The following PCSK2 variants were observed in gnomAD, a reference collection of about 807,000 sequenced individuals.
PCSK2 encodes neuroendocrine convertase 2.
In PCSK2, 14 loss-of-function variants were observed where a neutral mutation model predicts 69.7. The observed-to-expected ratio is 0.20, with a 90% CI of 0.13 to 0.31. The LOEUF is 0.31. Ranked by LOEUF, PCSK2 falls within the 10% of genes least tolerant of loss-of-function variation. PCSK2 has a pLI of 1.00. For missense variants in PCSK2, 544 were observed against 842.5 expected (o/e 0.65, Z 4.39); for synonymous variants, 307 against 320.7 (o/e 0.96, Z 0.46).
At chr20:17,288,627 T>A (rs912034040) in intron 2 of PCSK2, among the ~76,000 whole-genome samples, 6 of 151,642 alleles carry the variant, frequency 4.0e-5, no homozygotes, top group Admixed American at 3.3e-4. Context: ...CTAGGGTGAG[T>A]CTTAATCCAA....
intron 2 of PCSK2, among the ~76,000 whole-genome samples, chr20:17,324,154 G>T (rs1989965802): frequency 6.6e-6 from 1 of 152,132 alleles, no homozygotes; most frequent in Non-Finnish European, 1.5e-5. Flanking sequence ...CCTTGTATTG[G>T]CTGCCTTTTC....
At chr20:17,303,831 C>T (rs1334963855) in intron 2 of PCSK2, among the ~76,000 whole-genome samples, 2 of 148,874 alleles carry the variant, frequency 1.3e-5, no homozygotes, top group African/African-American at 4.9e-5. Context: ...CCCCCCACCC[C>T]GCCCTCCCAA....
chr20:17,356,579 ACCTGGG>A (rs2030205030), intron 2 of PCSK2, among the ~76,000 whole-genome samples: 1 of 152,048 alleles, frequency 6.6e-6, no homozygotes, highest in Admixed American at 6.6e-5. Context: ...GTCATTCTCG[ACCTGGG>A]CCCTGCTGTC....
chr20:17,399,687 T>C (rs928870881), intron 5 of PCSK2, among the ~76,000 whole-genome samples: 20 of 152,164 alleles, frequency 1.3e-4, no homozygotes, highest in Non-Finnish European at 1.3e-4. Context: ...TGCGATGCCA[T>C]GTTATTTAAC....
chr20:17,254,167 C>T (rs1217644411), intron 1 of PCSK2, among the ~76,000 whole-genome samples: 3 of 152,050 alleles, frequency 2.0e-5, no homozygotes, highest in Non-Finnish European at 4.4e-5. Flanking sequence ...GTTGTCTTTT[C>T]GTTTCCTTCG....
At chr20:17,265,219 C>A (rs1987549624) in intron 2 of PCSK2, among the ~76,000 whole-genome samples, 1 of 152,170 alleles carries the variant, frequency 6.6e-6, no homozygotes, top group African/African-American at 2.4e-5. Context: ...CAGTGGATAA[C>A]TAATGGAATT....
At chr20:17,241,017 G>A (rs553616876) in intron 1 of PCSK2, among the ~76,000 whole-genome samples, 1 of 152,310 alleles carries the variant, frequency 6.6e-6, no homozygotes, top group South Asian at 2.1e-4. Context: ...AGGGTTAAAC[G>A]AATGTCTTTC....
chr20:17,262,904 A>C (rs1345214203), intron 2 of PCSK2, among the ~76,000 whole-genome samples: 1 of 152,210 alleles, frequency 6.6e-6, no homozygotes, highest in African/African-American at 2.4e-5. Context: ...ACTGTCTCCT[A>C]GAACTGCTAA....
chr20:17,470,799 A>C (rs1227774453), intron 11 of PCSK2, among the ~76,000 whole-genome samples: 1 of 152,196 alleles, frequency 6.6e-6, no homozygotes, highest in Non-Finnish European at 1.5e-5. Context: ...CCCTTATTGC[A>C]AAAGGAGAAA....
chr20:17,231,897 ACT>A (rs1243612957), intron 1 of PCSK2, among the ~76,000 whole-genome samples: 1 of 151,820 alleles, frequency 6.6e-6, no homozygotes, highest in African/African-American at 2.4e-5. Context: ...GGCCAGGACC[ACT>A]CTCATCCCCT....
intron 1 of PCSK2, among the ~76,000 whole-genome samples, chr20:17,248,473 T>C (rs1403907136): frequency 6.6e-6 from 1 of 152,146 alleles, no homozygotes; most frequent in Non-Finnish European, 1.5e-5. Context: ...GTGGAGCTTA[T>C]GATTGCACAA....
chr20:17,339,417 A>T (rs993394598), intron 2 of PCSK2, among the ~76,000 whole-genome samples: 16 of 152,146 alleles, frequency 1.1e-4, no homozygotes, highest in Admixed American at 8.5e-4. Context: ...ATCCGTCGAC[A>T]TTTCCTCATT....
intron 8 of PCSK2, among the ~76,000 whole-genome samples, chr20:17,446,390 A>G (rs2123368273): frequency 6.6e-6 from 1 of 152,308 alleles, no homozygotes; most frequent in South Asian, 2.1e-4. Flanking sequence ...GACTCTGCAG[A>G]GTCTGGAACT....
intron 1 of PCSK2, among the ~76,000 whole-genome samples, chr20:17,231,088 G>A (rs187735662): frequency 2.0e-5 from 3 of 152,154 alleles, no homozygotes; most frequent in African/African-American, 7.2e-5. Flanking sequence ...ACCTGTTGAA[G>A]ATTAACCAAA....
chr20:17,334,737 C>G (rs543909010), intron 2 of PCSK2, among the ~76,000 whole-genome samples: 1 of 152,192 alleles, frequency 6.6e-6, no homozygotes, highest in African/African-American at 2.4e-5. Context: ...CAGTACTTCT[C>G]ACCCACACAT....
intron 6 of PCSK2, among the ~76,000 whole-genome samples, chr20:17,412,330 C>T (rs1252724470): frequency 6.6e-6 from 1 of 152,154 alleles, no homozygotes; most frequent in Non-Finnish European, 1.5e-5. Context: ...GTAGAGAAGA[C>T]TTTAAATGAC....
chr20:17,284,604 G>A (rs1246385127), intron 2 of PCSK2, among the ~76,000 whole-genome samples: 1 of 152,204 alleles, frequency 6.6e-6, no homozygotes, highest in Admixed American at 6.5e-5. Flanking sequence ...GTTCCAATGA[G>A]CCTAGCAGAA....
chr20:17,301,453 G>T (rs1989080004), intron 2 of PCSK2, among the ~76,000 whole-genome samples: 2 of 152,170 alleles, frequency 1.3e-5, no homozygotes. Flanking sequence ...TTAAATGTGT[G>T]TGAGTAAACA....
intron 2 of PCSK2, among the ~76,000 whole-genome samples, chr20:17,261,755 AG>A (rs1987396612): frequency 6.6e-6 from 1 of 152,024 alleles, no homozygotes; most frequent in African/African-American, 2.4e-5. Context: ...CAGTAGACAA[AG>A]ATCACCCTGG....
Sources: gnomAD v4.1 joint callset for allele counts (sites outside exome capture counted in the v4.1 genomes callset) on GRCh38, gnomAD v4.1.1 for gene constraint, MANE v1.5 for transcripts, NCBI Gene and HGNC (gene_info 2026-07-23, HGNC 2026-07-21) for gene names.